The following RELN variants were observed in gnomAD, a reference collection of about 807,000 sequenced individuals.
The protein encoded by RELN is reelin.
A neutral mutation model predicts 427.6 loss-of-function variants in RELN; 108 were observed. The observed-to-expected ratio is 0.25, with a 90% CI of 0.22 to 0.30. RELN has a LOEUF of 0.30. RELN is among the 10% of genes least tolerant of loss of function. RELN has a pLI of 1.00. For missense variants in RELN, 3,715 were observed against 4,302.8 expected, an observed-to-expected ratio of 0.86 and a Z score of 3.82; for synonymous variants, 1,524 against 1,513.4, an observed-to-expected ratio of 1.01 and a Z score of -0.16.
intron 2 of RELN, among the ~76,000 whole-genome samples, chr7:103,893,859 G>A (rs1407759445): frequency 6.6e-6 from 1 of 152,118 alleles, no homozygotes; most frequent in Admixed American, 6.6e-5. Flanking sequence ...TGTGTATAAT[G>A]AATCAGTACC....
chr7:103,635,656 AAAG>A, intron 18 of RELN, 70 bp from the exon 19 acceptor site: 1 of 1,338,804 alleles, frequency 7.5e-7, no homozygotes, highest in South Asian at 1.2e-5. Context: ...TTTGGTCTTT[AAAG>A]AATTTCAAAT....
chr7:103,482,877 C>T lies in RELN; in HGVS notation c.10276G>A (p.Val3426Ile), dbSNP rs188371196. ...DQWALDHVEV[V>I]LVSTRKQNYM... ...TGCCATGTAATAGATACTCACAGGA[C>T]GACCTCCACATGGTCCAAAGCCCAT... Residue 3426 changes from valine (V) to isoleucine (I), a missense_variant, in exon 63 of 65, where the codon GTC becomes ATC. Val to Ile is a conservative substitution (Grantham distance 29). Transcript: ENST00000428762. 306 of 1,614,102 alleles carry T rather than the reference C, an allele frequency of 1.9e-4. No homozygotes were observed. Among genetic ancestry groups the T allele is most frequent in the Non-Finnish European group, 1.4e-4 (167 of 1,179,986 alleles).
intron 3 of RELN, among the ~76,000 whole-genome samples, chr7:103,815,207 AT>A (rs59908355): frequency 2.0e-5 from 3 of 151,984 alleles, no homozygotes; most frequent in Non-Finnish European, 2.9e-5. Flanking sequence ...TTGCTATGGA[AT>A]TTTTTTTCCA....
intron 2 of RELN, among the ~76,000 whole-genome samples, chr7:103,888,341 C>T (rs1794770510): frequency 6.6e-6 from 1 of 152,056 alleles, no homozygotes; most frequent in South Asian, 2.1e-4. Context: ...AGAAACTGCT[C>T]TTGCTCTCCC....
intron 6 of RELN, among the ~76,000 whole-genome samples, chr7:103,732,983 C>T (rs995943379): frequency 6.6e-6 from 1 of 151,980 alleles, no homozygotes. Flanking sequence ...GACATGAAGT[C>T]CTTGCCCATG....
At chr7:103,565,926 CAT>C (rs1225246181) in intron 33 of RELN, among the ~76,000 whole-genome samples, 2 of 152,036 alleles carry the variant, frequency 1.3e-5, no homozygotes, top group African/African-American at 2.4e-5. Context: ...TTTTTTTAAA[CAT>C]AGAGTCTTAA....
At chr7:103,608,292 G>A (rs1409661123) in intron 22 of RELN, among the ~76,000 whole-genome samples, 1 of 152,074 alleles carries the variant, frequency 6.6e-6, no homozygotes, top group African/African-American at 2.4e-5. Flanking sequence ...CAAAAACAAT[G>A]ACAATAACTA....
rs142464953 is a variant in RELN at position 103,813,014 on chromosome 7, T to C, written c.473+20523A>G. Among the ~76,000 whole-genome samples, 158 of 152,322 alleles carry C rather than the reference T, an allele frequency of 1.0e-3. 1 individual carries two copies. Among genetic ancestry groups the C allele is most frequent in the African/African-American group, 3.2e-3 (134 of 41,588 alleles). On this transcript the variant is annotated intron_variant, in intron 3 of 64. Coordinates refer to ENST00000428762, the MANE Select transcript of RELN (RefSeq NM_005045.4). ...TACCTTTTAAATTTTGTCTTATTCT[T>C]CATCGGTTTTTTGCAACAAACATCT...
intron 30 of RELN, among the ~76,000 whole-genome samples, chr7:103,572,995 G>T (rs1584307634): frequency 6.6e-6 from 1 of 152,176 alleles, no homozygotes; most frequent in Admixed American, 6.5e-5. Context: ...CTGGAGTGCA[G>T]TGGCGCGATC....
intron 24 of RELN, among the ~76,000 whole-genome samples, chr7:103,599,808 T>C (rs1340373131): frequency 1.3e-5 from 2 of 152,136 alleles, no homozygotes; most frequent in Non-Finnish European, 2.9e-5. Flanking sequence ...AGAAAATGAA[T>C]ATAAGCTATG....
chr7:103,949,019 C>A (rs1796276188), intron 1 of RELN, among the ~76,000 whole-genome samples: 2 of 95,702 alleles, frequency 2.1e-5, no homozygotes, highest in Admixed American at 2.4e-4. Context: ...GAGACATTGT[C>A]TCCAAAAAAA....
At chr7:103,679,715 G>A (rs1266637387) in intron 11 of RELN, among the ~76,000 whole-genome samples, 1 of 151,678 alleles carries the variant, frequency 6.6e-6, no homozygotes, top group African/African-American at 2.4e-5. Flanking sequence ...TTTGTTTGGG[G>A]GAAATGATCG....
At chr7:103,576,139 G>A (rs986986269) in intron 28 of RELN, among the ~76,000 whole-genome samples, 1 of 152,192 alleles carries the variant, frequency 6.6e-6, no homozygotes, top group Non-Finnish European at 1.5e-5. Flanking sequence ...GCTGAGGCAG[G>A]AGAATTGCTT....
At chr7:103,513,946 C>T (rs978939085) in intron 50 of RELN, 3 of 152,078 alleles carry the variant, frequency 2.0e-5, no homozygotes, top group African/African-American at 7.2e-5. Context: ...TTCTGTTTCA[C>T]ATTTTGAACA....
chr7:103,730,916 C>T (rs924897810), intron 6 of RELN, among the ~76,000 whole-genome samples: 1 of 152,120 alleles, frequency 6.6e-6, no homozygotes, highest in Non-Finnish European at 1.5e-5. Flanking sequence ...TTAATCCATT[C>T]TTGTATTTAA....
At chr7:103,559,522 A>G (rs1397875731) in intron 36 of RELN, among the ~76,000 whole-genome samples, 1 of 151,854 alleles carries the variant, frequency 6.6e-6, no homozygotes, top group Admixed American at 6.6e-5. Context: ...TCATTTCTTC[A>G]TGTCTTAATG....
rs1010079384 is a variant in RELN at position 103,746,095 on chromosome 7, C to T, written c.656+3331G>A. 1.9e-4 allele frequency among the ~76,000 whole-genome samples: 29 copies of T among 151,994 alleles called. No individual in the cohort carries two copies. In the East Asian group the frequency reaches 4.3e-3, roughly 22 times the overall value. On this transcript the variant is annotated intron_variant, in intron 6 of 64. Transcript: ENST00000428762. Reference sequence around the variant, plus strand: ...TATAGACCAATGGAACAGAACAGAGCCCTCAGAAATAATGCTGCATATCTA... The same window carrying T: ...TATAGACCAATGGAACAGAACAGAGTCCTCAGAAATAATGCTGCATATCTA...
intron 10 of RELN, among the ~76,000 whole-genome samples, chr7:103,695,424 C>T (rs1283072309): frequency 2.0e-5 from 3 of 151,960 alleles, no homozygotes; most frequent in South Asian, 2.1e-4. Flanking sequence ...ATAGGTCACT[C>T]GGCAAGTCTC....
At position 103,824,495 on chromosome 7, in the gene RELN, C is replaced by G. The variant is rs1300462172; in HGVS notation, c.473+9042G>C. On this transcript the variant is annotated intron_variant, in intron 3 of 64. Transcript: ENST00000428762. The surrounding 1 kb of genome is among the most constrained non-coding windows in gnomAD (Gnocchi z 4.4). ...GCTCCAGGCCCCATATAGGTTAAAA[C>G]TCCAGATCTAGGACCTAAATCAGGT... Among the ~76,000 whole-genome samples the G allele has an allele frequency of 6.6e-6, 1 of 152,052 alleles. No homozygotes were observed. Among genetic ancestry groups the G allele is most frequent in the Non-Finnish European group, 1.5e-5 (1 of 67,996 alleles).
Sources: allele counts gnomAD v4.1 joint callset (sites outside exome capture counted in the v4.1 genomes callset), GRCh38; gene constraint gnomAD v4.1.1; non-coding constraint Gnocchi (gnomAD v3.1); transcripts MANE v1.5; gene names NCBI Gene and HGNC (gene_info 2026-07-23, HGNC 2026-07-21).